The following TMEM163 variants were observed in gnomAD, a reference collection of about 807,000 sequenced individuals.
TMEM163 encodes transmembrane protein 163.
Under a neutral mutation model 29.3 loss-of-function variants are expected in TMEM163, and 17 were observed. The ratio of observed to expected loss-of-function variants is 0.58; its 90% CI spans 0.40 to 0.87. The LOEUF is 0.87. TMEM163 is among the 40% of genes least tolerant of loss of function. The pLI is 0.00. For synonymous variants in TMEM163, 157 were observed against 160.6 expected (o/e 0.98, Z 0.17); for missense variants, 303 against 381.5 (o/e 0.79, Z 1.71).
chr2:134,629,697 A>G (rs1682927936), intron 2 of TMEM163, among the ~76,000 whole-genome samples: 1 of 152,218 alleles, frequency 6.6e-6, no homozygotes, highest in Admixed American at 6.5e-5. Flanking sequence ...AAACTTCACT[A>G]TCACTCTATC....
intron 2 of TMEM163, among the ~76,000 whole-genome samples, chr2:134,626,515 T>C (rs1173733434): frequency 6.6e-6 from 1 of 152,102 alleles, no homozygotes; most frequent in Non-Finnish European, 1.5e-5. Context: ...CTCCTGCCAC[T>C]CTCTTAAAGG....
At chr2:134,500,400 T>A (rs937891579) in intron 5 of TMEM163, among the ~76,000 whole-genome samples, 2 of 152,210 alleles carry the variant, frequency 1.3e-5, no homozygotes, top group African/African-American at 4.8e-5. Flanking sequence ...CGTGGGCCAC[T>A]CAGCCCTCAG....
intron 2 of TMEM163, among the ~76,000 whole-genome samples, chr2:134,683,341 A>G (rs1191090063): frequency 6.6e-6 from 1 of 151,968 alleles, no homozygotes; most frequent in African/African-American, 2.4e-5. Context: ...CTATGTGTTT[A>G]TGGGGGCAGA....
intron 2 of TMEM163, among the ~76,000 whole-genome samples, chr2:134,707,418 C>A (rs997199125): frequency 6.6e-6 from 1 of 152,154 alleles, no homozygotes. Flanking sequence ...GACTTTAGGA[C>A]GGGACAGAGA....
rs373841313 is a variant in TMEM163 at position 134,503,014 on chromosome 2, A to G, written c.459-17T>C. ...ACACAGGCTCTGCAAAAAACAAAAC[A>G]TTGAGAATCTTAACTGGGAGAACTC... On this transcript the variant is annotated splice_polypyrimidine_tract_variant and intron_variant, in intron 4 of 7. Transcript: ENST00000281924. The G allele has an allele frequency of 9.4e-6, 15 of 1,604,140 alleles. No individual in the cohort carries two copies. In the African/African-American group the frequency reaches 2.0e-4, roughly 21 times the overall value.
intron 2 of TMEM163, among the ~76,000 whole-genome samples, chr2:134,590,757 A>G (rs758867267): frequency 5.9e-5 from 9 of 152,166 alleles, no homozygotes; most frequent in Non-Finnish European, 1.3e-4. Context: ...GTAACTCCTG[A>G]CATTTCCATG....
intron 5 of TMEM163, 67 bp downstream of exon 5, chr2:134,502,834 C>A: frequency 7.0e-7 from 1 of 1,429,882 alleles, no homozygotes; most frequent in Non-Finnish European, 9.7e-7. Flanking sequence ...GGGAACCCTG[C>A]GATAAGAGGC....
At position 134,583,077 on chromosome 2, in the gene TMEM163, G is replaced by A. The variant is rs568528215; in HGVS notation, c.323-30986C>T. Among the ~76,000 whole-genome samples the A allele has an allele frequency of 3.9e-5, 6 of 152,284 alleles. No individual in the cohort carries two copies. The South Asian group carries it at 1.0e-3, about 26-fold the overall frequency. On this transcript the variant is annotated intron_variant, in intron 2 of 7. Transcript: ENST00000281924. ...AAAATATGAGAAGAACTTCATTTCT[G>A]CTTAGTCCTGTGGACAGAGAACGGT... is the stretch of plus-strand genomic sequence containing the variant.
intron 2 of TMEM163, among the ~76,000 whole-genome samples, chr2:134,670,517 A>T (rs1683970858): frequency 6.6e-6 from 1 of 152,212 alleles, no homozygotes; most frequent in Non-Finnish European, 1.5e-5. Flanking sequence ...AGCCACGCCT[A>T]CAGAGCAGGC....
chr2:134,682,963 A>G (rs1684278685), intron 2 of TMEM163, among the ~76,000 whole-genome samples: 1 of 152,242 alleles, frequency 6.6e-6, no homozygotes, highest in African/African-American at 2.4e-5. Flanking sequence ...TCAAGCCAGG[A>G]AAAGACACGG....
rs770249489 is a variant in TMEM163, at chr2:134,516,775, C to A, written c.459-13778G>T. ...TATGAATAGATATATATGTGCATAT[C>A]TATTCATATATATATGCATGTATGT... is the stretch of plus-strand genomic sequence containing the variant. On this transcript the variant is annotated intron_variant, in intron 4 of 7. Coordinates refer to ENST00000281924, the MANE Select transcript of TMEM163 (RefSeq NM_030923.5). Among the ~76,000 whole-genome samples, 38 of 44,154 alleles carry A rather than the reference C, an allele frequency of 8.6e-4. No homozygotes were observed. In the East Asian group the frequency reaches 0.04, roughly 46 times the overall value. The allele number at this position is 44,154 out of a possible 152,430, so 29.0% of individuals were successfully genotyped here.
At chr2:134,598,920 C>CA (rs796382637) in intron 2 of TMEM163, among the ~76,000 whole-genome samples, 15,085 of 65,672 alleles carry the variant, frequency 0.23, 2,721 homozygotes, top group African/African-American at 0.49. Flanking sequence ...GACTCTATCT[C>CA]AAAAAAAAAA....
chr2:134,651,851 T>G (rs2104848789), intron 2 of TMEM163, among the ~76,000 whole-genome samples: 1 of 122,734 alleles, frequency 8.1e-6, no homozygotes, highest in East Asian at 2.1e-4. Context: ...GATCAGATAG[T>G]TGTAGATATG....
At chr2:134,705,595 C>T (rs550130973) in intron 2 of TMEM163, among the ~76,000 whole-genome samples, 1 of 152,308 alleles carries the variant, frequency 6.6e-6, no homozygotes, top group South Asian at 2.1e-4. Context: ...GGGTTCCCTT[C>T]CTACCCCGGC....
At chr2:134,565,148 G>A (rs146916014) in intron 2 of TMEM163, among the ~76,000 whole-genome samples, 161 of 152,172 alleles carry the variant, frequency 1.1e-3, no homozygotes, top group African/African-American at 3.7e-3. Context: ...TGAGGCACAC[G>A]AATCGATTGA....
At chr2:134,550,474 G>A in intron 4 of TMEM163, 96 bp downstream of exon 4, 1 of 1,195,820 alleles carries the variant, frequency 8.4e-7, no homozygotes, top group East Asian at 2.4e-5. Flanking sequence ...TCATCACTGG[G>A]ACAAAAGCTG....
chr2:134,718,956 G>A lies in TMEM163; in HGVS notation c.-21C>T, dbSNP rs1208320101. The A allele has an allele frequency of 1.9e-6, 2 of 1,034,792 alleles. No homozygotes were observed. The highest frequency in any genetic ancestry group is 1.7e-5 in the African/African-American group (1 of 57,860). The allele number at this position is 1,034,792 out of a possible 1,614,324, so 64.1% of individuals were successfully genotyped here. On this transcript the variant is annotated 5_prime_UTR_variant, in exon 1 of 8. Coordinates refer to ENST00000281924, the MANE Select transcript of TMEM163 (RefSeq NM_030923.5). ...TCCATGGCGCGGGGCTGCGGATCCC[G>A]GCGGCGGCGACGACAAGCGCGGCGG...
At chr2:134,584,653 A>T (rs997862779) in intron 2 of TMEM163, among the ~76,000 whole-genome samples, 7 of 151,880 alleles carry the variant, frequency 4.6e-5, no homozygotes, top group African/African-American at 1.2e-4. Flanking sequence ...AAAAAAAAAA[A>T]AGTACAAAGG....
intron 2 of TMEM163, among the ~76,000 whole-genome samples, chr2:134,700,905 A>AATAC (rs1441916587): frequency 5.2e-4 from 73 of 141,734 alleles, no homozygotes; most frequent in African/African-American, 1.3e-3. Context: ...CTGTCTCGAA[A>AATAC]ATACATAAAT....
Sources: gnomAD v4.1 joint callset for allele counts (sites outside exome capture counted in the v4.1 genomes callset) on GRCh38, gnomAD v4.1.1 for gene constraint, MANE v1.5 for transcripts, NCBI Gene and HGNC (gene_info 2026-07-23, HGNC 2026-07-21) for gene names.